LMBR1L: variants seen among roughly 807,000 people sequenced by gnomAD.
LMBR1L encodes the protein limb development membrane protein 1 like, also known as protein LMBR1L.
LMBR1L carries 47 observed loss-of-function variants against 67.3 expected under a neutral mutation model. The observed-to-expected ratio is 0.70, with a 90% CI of 0.55 to 0.89. LMBR1L has a LOEUF of 0.89. LMBR1L is among the 40% of genes least tolerant of loss of function. The pLI is 0.00. For synonymous variants in LMBR1L, 247 were observed against 250.3 expected, an observed-to-expected ratio of 0.99 and a Z score of 0.13; for missense variants, 533 against 599.2, an observed-to-expected ratio of 0.89 and a Z score of 1.15.
chr12:49,101,133 C>T, intron 13 of LMBR1L, 117 bp downstream of exon 13: 1 of 1,594,898 alleles, frequency 6.3e-7, no homozygotes, highest in South Asian at 1.1e-5. Context: ...ACTTGCCCCA[C>T]TTCCCATCAG....
At chr12:49,100,504 C>G in intron 14 of LMBR1L, 50 bp from the exon 15 acceptor site, 1 of 1,606,584 alleles carries the variant, frequency 6.2e-7, no homozygotes, top group South Asian at 1.1e-5. Flanking sequence ...GCTGCAGGCA[C>G]CTAGTGCCCA....
At chr12:49,106,671 C>A (rs761238118) in intron 2 of LMBR1L, 46 of 1,282,712 alleles carry the variant, frequency 3.6e-5, no homozygotes, top group Non-Finnish European at 4.9e-5. Flanking sequence ...TCACAAAGGG[C>A]TTTCACATTA....
At chr12:49,108,796 T>A (rs1941224923) in intron 1 of LMBR1L, among the ~76,000 whole-genome samples, 2 of 152,026 alleles carry the variant, frequency 1.3e-5, no homozygotes, top group Non-Finnish European at 2.9e-5. Context: ...TTATTGTGTT[T>A]GAGATAGGCC....
chr12:49,110,257 T>A, intron 1 of LMBR1L: 1 of 587,588 alleles, frequency 1.7e-6, no homozygotes, highest in Non-Finnish European at 3.0e-6. Context: ...GAGGGGCGTG[T>A]GGGGGAGGAA....
Position 49,110,599 on chromosome 12 carries a change from G to C in LMBR1L, c.-44C>G. On this transcript the variant is annotated 5_prime_UTR_variant, in exon 1 of 17. Coordinates refer to ENST00000267102, the MANE Select transcript of LMBR1L (RefSeq NM_018113.4). ...GAAGCCGAGGTGCCTCTGGGCCCGG[G>C]GAGGACGAGCGGGGAGGAAGCCGCC... The C allele has an allele frequency of 6.3e-7, 1 of 1,584,528 alleles. No individual in the cohort carries two copies. Among genetic ancestry groups the C allele is most frequent in the Non-Finnish European group, 8.7e-7 (1 of 1,153,626 alleles).
At chr12:49,104,136 A>G (rs1940581165) in intron 5 of LMBR1L, 2 of 473,126 alleles carry the variant, frequency 4.2e-6, no homozygotes, top group Admixed American at 3.9e-5. Context: ...GAAGGTAGAA[A>G]AAAGGTGAGG....
At position 49,106,659 on chromosome 12, in the gene LMBR1L, G is replaced by A. The variant is rs763912374; in HGVS notation, c.157+302C>T. On this transcript the variant is annotated intron_variant, in intron 2 of 16. Coordinates refer to ENST00000267102, the MANE Select transcript of LMBR1L (RefSeq NM_018113.4). Reference sequence around the variant, plus strand: ...TTCATCCAGCAGTTGCTCACTTCAGGTTCACAAAGGGCTTTCACATTAACC... The same window carrying A: ...TTCATCCAGCAGTTGCTCACTTCAGATTCACAAAGGGCTTTCACATTAACC... 3.8e-6 allele frequency: 5 copies of A among 1,331,220 alleles called. No individual in the cohort carries two copies. The East Asian group carries it at 1.2e-4, about 33-fold the overall frequency. 82.5% of individuals were successfully genotyped at this position (1,331,220 alleles called of 1,614,324 possible).
intron 15 of LMBR1L, 148 bp from the exon 16 acceptor site, chr12:49,098,253 G>A (rs1939661080): frequency 3.7e-6 from 3 of 820,654 alleles, no homozygotes; most frequent in Non-Finnish European, 5.8e-6. Flanking sequence ...GCTGTCTCAA[G>A]AGCAGTTCGG....
chr12:49,101,369 A>G, intron 12 of LMBR1L, 46 bp from the exon 13 acceptor site: 1 of 1,606,360 alleles, frequency 6.2e-7, no homozygotes, highest in Admixed American at 1.7e-5. Flanking sequence ...CACCATCAGC[A>G]CTACCCGGCA....
At chr12:49,100,721 C>T in intron 13 of LMBR1L, 75 bp from the exon 14 acceptor site, 2 of 1,117,232 alleles carry the variant, frequency 1.8e-6, no homozygotes, top group Non-Finnish European at 2.6e-6. Context: ...GAGCTCTCTC[C>T]CAGCCCACTT....
intron 8 of LMBR1L, 130 bp from the exon 9 acceptor site, chr12:49,102,670 C>A: frequency 9.9e-7 from 1 of 1,013,342 alleles, no homozygotes; most frequent in Non-Finnish European, 1.5e-6. Context: ...CACCCTGTGG[C>A]CCGCAGCTTT....
At chr12:49,103,266 G>A (rs80218878) in intron 6 of LMBR1L, 107 bp from the exon 7 acceptor site, 21,823 of 903,344 alleles carry the variant, frequency 0.024, 375 homozygotes, top group Middle Eastern at 0.069. Context: ...CAGGGGTTAG[G>A]CAATTAATAC....
chr12:49,098,250 C>T, intron 15 of LMBR1L, 145 bp from the exon 16 acceptor site: 1 of 845,894 alleles, frequency 1.2e-6, no homozygotes, highest in East Asian at 2.5e-5. Flanking sequence ...CAAGCTGTCT[C>T]AAGAGCAGTT....
chr12:49,100,321 T>G, intron 15 of LMBR1L, 67 bp downstream of exon 15: 1 of 1,185,392 alleles, frequency 8.4e-7, no homozygotes, highest in Non-Finnish European at 1.3e-6. Flanking sequence ...GTATATAAAG[T>G]GCCTGCTTTG....
chr12:49,106,039 C>A, intron 2 of LMBR1L, 82 bp from the exon 3 acceptor site: 1 of 1,186,012 alleles, frequency 8.4e-7, no homozygotes, highest in South Asian at 1.3e-5. Context: ...AATGTGCTCC[C>A]TGCCCCATCC....
In LMBR1L at chr12:49,104,404, G is replaced by A. The variant is rs756511359; in HGVS notation, c.435+44C>T. On this transcript the variant is annotated intron_variant, in intron 5 of 16. Transcript: ENST00000267102. ...TAAAATCTCTTCAGCTGAACCATGT[G>A]TGTGGAATTCCGTTTCCTGCCTGGA... The A allele has an allele frequency of 6.1e-6, 8 of 1,314,974 alleles. No homozygotes were observed. In the Admixed American group the frequency reaches 1.2e-4, roughly 20 times the overall value. The allele number at this position is 1,314,974 out of a possible 1,614,324, so 81.5% of individuals were successfully genotyped here. A position where few individuals can be genotyped will look rare whatever the true frequency, so the allele number is the denominator to read the frequency against.
At chr12:49,110,001 G>A (rs1229516548) in intron 1 of LMBR1L, 1 of 457,330 alleles carries the variant, frequency 2.2e-6, no homozygotes, top group Middle Eastern at 3.2e-4. Flanking sequence ...CAAAGCAGAT[G>A]ACCCACCAAG....
intron 4 of LMBR1L, 78 bp downstream of exon 4, chr12:49,104,668 C>T (rs776073347): frequency 2.5e-5 from 40 of 1,593,122 alleles, no homozygotes; most frequent in Admixed American, 1.5e-4. Flanking sequence ...GCTTGGCGCA[C>T]GGCTGCCTGA....
chr12:49,098,087 A>C lies in LMBR1L; in HGVS notation c.1259T>G (p.Leu420Arg), dbSNP rs1180679944. ...SRTLGLTRFD[L>R]LGDFGRFNWL... ...GTTGAAGCGTCCAAAGTCACCCAGCAGGTCAAAGCGAGTGAGCCCTGAAGC... is the reference window on the plus strand; with the variant it reads ...GTTGAAGCGTCCAAAGTCACCCAGCCGGTCAAAGCGAGTGAGCCCTGAAGC... The change falls in exon 16 of 17, where the codon CTG becomes CGG. Residue 420 changes from leucine to arginine, a missense_variant. Around this residue, in one of 3 missense-constraint regions of LMBR1L, gnomAD observed 223 missense variants for 241.2 expected, o/e 0.92. Coordinates refer to ENST00000267102, the MANE Select transcript of LMBR1L (RefSeq NM_018113.4). The C allele has an allele frequency of 6.2e-7, 1 of 1,613,976 alleles. No homozygotes were observed. The highest frequency in any genetic ancestry group is 1.1e-5 in the South Asian group (1 of 91,080).
Sources: allele counts gnomAD v4.1 joint callset (sites outside exome capture counted in the v4.1 genomes callset), GRCh38; gene constraint gnomAD v4.1.1; regional missense constraint gnomAD v4.1.1; transcripts MANE v1.5; gene names NCBI Gene and HGNC (gene_info 2026-07-23, HGNC 2026-07-21).